Variants in NKTR observed in about 807,000 individuals in gnomAD.
The protein encoded by NKTR is NK-tumor recognition protein.
A neutral mutation model predicts 156.3 loss-of-function variants in NKTR; 67 were observed. The observed-to-expected ratio is 0.43, with a 90% CI of 0.35 to 0.53. The LOEUF (loss-of-function observed/expected upper bound fraction) is 0.53. Ranked by LOEUF, NKTR falls within the 20% of genes least tolerant of loss-of-function variation. The pLI is 0.01. For missense variants in NKTR, 1,604 were observed against 1,730.9 expected, an observed-to-expected ratio of 0.93 and a Z score of 1.30; for synonymous variants, 640 against 596.6, an observed-to-expected ratio of 1.07 and a Z score of -1.06.
At chr3:42,620,382 A>T in intron 5 of NKTR, 10 of 1,037,604 alleles carry the variant, frequency 9.6e-6, no homozygotes, top group Non-Finnish European at 1.2e-5. Context: ...TAATAGTAGC[A>T]TCTGCATAAA....
At chr3:42,620,368 C>A (rs576551727) in intron 5 of NKTR, 1 of 1,070,436 alleles carries the variant, frequency 9.3e-7, no homozygotes, top group Non-Finnish European at 1.1e-6. Flanking sequence ...TGTGTTTATT[C>A]TCATAATAGT....
chr3:42,645,936 T>G lies in NKTR; in HGVS notation c.4350T>G (p.Ser1450=). 6.2e-7 allele frequency: 1 copy of G among 1,613,804 alleles called. No individual in the cohort carries two copies. The change falls in exon 17 of 17, where the codon TCT becomes TCG. Residue 1450 remains serine (S), a synonymous_variant. Transcript: ENST00000232978. ...GSDSESDRSY[S]HHRSPSESSR... is the part of the protein sequence containing the mutation. ...ACAGTGAAAGTGACCGAAGTTACTC[T>G]CATCACCGGAGCCCCAGTGAGAGCA...
Position 42,632,752 on chromosome 3 carries a change from T to G in NKTR, c.702T>G (p.Arg234=). The stretch of plus-strand genomic sequence containing the variant: ...ATAAGAGGAGGCCAAAAGTTAAACG[T>G]TCTAAAAAGAGGCGAAAGGAAGCAA... The part of the protein sequence containing the change: ...RKHKRRPKVK[R]SKKRRKEASS... Residue 234 remains arginine, a synonymous_variant, in exon 9 of 17, where the codon CGT becomes CGG. Coordinates refer to ENST00000232978, the MANE Select transcript of NKTR (RefSeq NM_005385.4). The G allele has an allele frequency of 6.2e-7, 1 of 1,612,554 alleles. No homozygotes were observed. The highest frequency in any genetic ancestry group is 8.5e-7 in the Non-Finnish European group (1 of 1,179,650).
chr3:42,620,238 G>T, intron 5 of NKTR: 2 of 1,265,042 alleles, frequency 1.6e-6, no homozygotes, highest in Non-Finnish European at 2.0e-6. Context: ...TTTCACATCA[G>T]AGAAAAGAGT....
At chr3:42,602,600 C>G (rs575922028) in intron 2 of NKTR, 1 of 146,468 alleles carries the variant, frequency 6.8e-6, no homozygotes, top group African/African-American at 2.5e-5. Flanking sequence ...CCTTCTCTCT[C>G]TTTTTAATGT....
At chr3:42,608,984 C>T (rs1011968474) in intron 2 of NKTR, among the ~76,000 whole-genome samples, 1 of 151,958 alleles carries the variant, frequency 6.6e-6, no homozygotes, top group Non-Finnish European at 1.5e-5. Flanking sequence ...AAAAATTAGC[C>T]GGGCATGGTG....
chr3:42,635,472 A>G, intron 12 of NKTR, 106 bp downstream of exon 12: 1 of 870,008 alleles, frequency 1.1e-6, no homozygotes. Flanking sequence ...TGAAAGATTC[A>G]CAGTCAGACT....
intron 2 of NKTR, among the ~76,000 whole-genome samples, chr3:42,606,152 G>T (rs1706211101): frequency 6.6e-6 from 1 of 152,078 alleles, no homozygotes; most frequent in Non-Finnish European, 1.5e-5. Context: ...TTTCCTCAAT[G>T]ATGTTTAGAT....
chr3:42,630,037 C>T (rs1708746492), intron 6 of NKTR: 1 of 985,508 alleles, frequency 1.0e-6, no homozygotes, highest in Non-Finnish European at 1.2e-6. Flanking sequence ...ACTCCTGAGA[C>T]CTACCTCTGC....
chr3:42,630,308 A>G, intron 6 of NKTR: 3 of 1,308,736 alleles, frequency 2.3e-6, no homozygotes, highest in Non-Finnish European at 2.9e-6. Context: ...GTATGCATAC[A>G]TATAGTCTAA....
At chr3:42,620,988 A>G in intron 5 of NKTR, 2 of 942,418 alleles carry the variant, frequency 2.1e-6, no homozygotes, top group Non-Finnish European at 2.5e-6. Context: ...ATTAAGTTGA[A>G]TAATAAATTT....
intron 3 of NKTR, 32 bp downstream of exon 3, chr3:42,617,676 G>A (rs756246109): frequency 1.7e-6 from 2 of 1,170,200 alleles, no homozygotes; most frequent in Admixed American, 3.4e-5. Flanking sequence ...ATGAGAAGCT[G>A]TGGCTTACAG....
At chr3:42,620,753 C>G in intron 5 of NKTR, 1 of 984,208 alleles carries the variant, frequency 1.0e-6, no homozygotes, top group Non-Finnish European at 1.2e-6. Flanking sequence ...TTAGCTGGTT[C>G]TGTTATGTAG....
intron 14 of NKTR, among the ~76,000 whole-genome samples, chr3:42,642,812 A>G (rs1174146970): frequency 1.3e-5 from 2 of 152,218 alleles, no homozygotes; most frequent in Admixed American, 6.5e-5. Flanking sequence ...AGCAGTAGAA[A>G]TATTTAAGAA....
At chr3:42,615,661 T>C (rs1053986094) in intron 2 of NKTR, among the ~76,000 whole-genome samples, 3 of 152,220 alleles carry the variant, frequency 2.0e-5, no homozygotes, top group Admixed American at 6.5e-5. Flanking sequence ...ATTTCGATTA[T>C]GTCTTCTATC....
intron 2 of NKTR, among the ~76,000 whole-genome samples, chr3:42,603,378 A>C (rs1396385868): frequency 6.0e-5 from 9 of 149,970 alleles, no homozygotes; most frequent in Middle Eastern, 6.8e-3. Context: ...AAAAAAAAAA[A>C]AAAAAAACAG....
intron 16 of NKTR, 101 bp from the exon 17 acceptor site, chr3:42,645,787 T>C (rs1412274000): frequency 1.0e-5 from 7 of 669,324 alleles, no homozygotes; most frequent in Admixed American, 3.0e-5. Flanking sequence ...TTGAAAACAC[T>C]ATTGATGTTT....
chr3:42,623,252 A>T (rs1261093967), intron 6 of NKTR, among the ~76,000 whole-genome samples: 1 of 152,096 alleles, frequency 6.6e-6, no homozygotes, highest in East Asian at 1.9e-4. Flanking sequence ...ATAAATTACA[A>T]TTATAATTTT....
chr3:42,603,992 C>T (rs1337119739), intron 2 of NKTR, among the ~76,000 whole-genome samples: 2 of 152,144 alleles, frequency 1.3e-5, no homozygotes, highest in African/African-American at 2.4e-5. Context: ...CCACCTCGGC[C>T]TCCGAAAGTG....
Sources: allele counts gnomAD v4.1 joint callset (sites outside exome capture counted in the v4.1 genomes callset), GRCh38; gene constraint gnomAD v4.1.1; transcripts MANE v1.5; gene names NCBI Gene and HGNC (gene_info 2026-07-23, HGNC 2026-07-21).